The following SMYD3 variants were observed in gnomAD, a reference collection of about 807,000 sequenced individuals.
The protein encoded by SMYD3 is histone-lysine N-methyltransferase SMYD3.
In SMYD3, 36 loss-of-function variants were observed where a neutral mutation model predicts 57.7. The ratio of observed to expected loss-of-function variants is 0.62; its 90% CI spans 0.48 to 0.82. The LOEUF (loss-of-function observed/expected upper bound fraction) is 0.82, where lower values mean the gene tolerates loss of function less well. SMYD3 is among the 40% of genes least tolerant of loss of function. The pLI is 0.00. For missense variants in SMYD3, 515 were observed against 538.8 expected, an observed-to-expected ratio of 0.96 and a Z score of 0.44; for synonymous variants, 211 against 195.0, an observed-to-expected ratio of 1.08 and a Z score of -0.68.
intron 1 of SMYD3, among the ~76,000 whole-genome samples, chr1:246,367,941 T>C (rs1383870284): frequency 1.3e-5 from 2 of 152,192 alleles, no homozygotes; most frequent in Non-Finnish European, 2.9e-5. Flanking sequence ...CACTTGTTCA[T>C]ACAAACCTGA....
At chr1:246,275,721 A>G (rs1014397658) in intron 5 of SMYD3, among the ~76,000 whole-genome samples, 5 of 150,434 alleles carry the variant, frequency 3.3e-5, no homozygotes, top group East Asian at 2.0e-4. Context: ...AACACTGGCA[A>G]GTTATTTAAT....
intron 1 of SMYD3, among the ~76,000 whole-genome samples, chr1:246,361,719 C>G (rs1856692): frequency 0.25 from 38,065 of 152,008 alleles, 5,236 homozygotes; most frequent in East Asian, 0.5. Flanking sequence ...ATCGTATGTT[C>G]TCACTCATAT....
chr1:246,175,122 TGCGCCTGTGCCCTATGTAGAAAAC>T (rs1291422082), intron 5 of SMYD3, among the ~76,000 whole-genome samples: 1 of 152,206 alleles, frequency 6.6e-6, no homozygotes, highest in Non-Finnish European at 1.5e-5. Flanking sequence ...AAGGAGTAAC[TGCGCCTGTGCCCTATGTAGAAAAC>T]GCACTGGTGA....
intron 5 of SMYD3, among the ~76,000 whole-genome samples, chr1:245,996,496 T>C (rs1242101834): frequency 1.3e-5 from 2 of 152,140 alleles, no homozygotes; most frequent in Admixed American, 6.5e-5. Flanking sequence ...ACTGAACAAA[T>C]AGACACATAC....
chr1:246,002,518 CCA>C lies in SMYD3; in HGVS notation c.532-72583_532-72582del, dbSNP rs1281803233. Among the ~76,000 whole-genome samples the C allele has an allele frequency of 9.9e-4, 83 of 83,628 alleles. 18 individuals carry two copies. Among genetic ancestry groups the C allele is most frequent in the Non-Finnish European group, 1.5e-3 (60 of 40,082 alleles). The allele number at this position is 83,628 out of a possible 152,430, so 54.9% of individuals were successfully genotyped here. The stretch of plus-strand genomic sequence containing the variant: ...TATTTTTAGTAGAGACGGGGTTTCA[CCA>C]TGTTAGCCAGGATGGTCTCGATCTC... On this transcript the variant is annotated intron_variant, in intron 5 of 11. Coordinates refer to ENST00000490107, the MANE Select transcript of SMYD3 (RefSeq NM_001167740.2).
At chr1:246,274,073 A>T (rs770140637) in intron 5 of SMYD3, among the ~76,000 whole-genome samples, 4 of 152,254 alleles carry the variant, frequency 2.6e-5, no homozygotes, top group South Asian at 4.1e-4. Context: ...ATCATGTCAT[A>T]CTTTCCTCAG....
intron 10 of SMYD3, among the ~76,000 whole-genome samples, chr1:245,837,422 T>G (rs550423577): frequency 6.6e-6 from 1 of 151,722 alleles, no homozygotes; most frequent in East Asian, 1.9e-4. Flanking sequence ...GCTAGAGCAG[T>G]GGCTATTGAC....
chr1:246,373,311 G>A (rs965250150), intron 1 of SMYD3, among the ~76,000 whole-genome samples: 2 of 152,014 alleles, frequency 1.3e-5, no homozygotes, highest in Non-Finnish European at 2.9e-5. Flanking sequence ...CTAGTCTAAC[G>A]CAGGGCATAG....
At chr1:246,069,709 C>G (rs564716661) in intron 5 of SMYD3, among the ~76,000 whole-genome samples, 1 of 152,316 alleles carries the variant, frequency 6.6e-6, no homozygotes, top group East Asian at 1.9e-4. Flanking sequence ...CATCCAAACC[C>G]TTTGTGGCTT....
chr1:246,327,134 A>C, intron 5 of SMYD3, 67 bp downstream of exon 5: 1 of 1,596,870 alleles, frequency 6.3e-7, no homozygotes, highest in South Asian at 1.1e-5. Flanking sequence ...CATTTTTGTA[A>C]CTAACAACAA....
At chr1:246,454,968 C>T (rs2067680980) in intron 1 of SMYD3, among the ~76,000 whole-genome samples, 1 of 152,146 alleles carries the variant, frequency 6.6e-6, no homozygotes, top group Admixed American at 6.5e-5. Flanking sequence ...CCTTAGATAA[C>T]CCACTCTACA....
At chr1:245,857,897 C>G (rs1009574831) in intron 10 of SMYD3, among the ~76,000 whole-genome samples, 3 of 152,268 alleles carry the variant, frequency 2.0e-5, no homozygotes, top group Middle Eastern at 3.4e-3. Flanking sequence ...CTACTGGTCT[C>G]CAGGAGCTGA....
intron 1 of SMYD3, among the ~76,000 whole-genome samples, chr1:246,427,506 C>T (rs1490449880): frequency 3.8e-5 from 5 of 131,394 alleles, no homozygotes; most frequent in Admixed American, 8.3e-5. Context: ...GGCGACAGAG[C>T]GAGACTCCGT....
In SMYD3 at chr1:246,143,126, T is replaced by TACACACACAC. The variant is rs370332515; in HGVS notation, c.531+184065_531+184074dup. Among the ~76,000 whole-genome samples the TACACACACAC allele has an allele frequency of 3.4e-3, 499 of 146,108 alleles. 2 individuals carry two copies. Among genetic ancestry groups the TACACACACAC allele is most frequent in the Non-Finnish European group, 4.3e-3 (288 of 66,324 alleles). On this transcript the variant is annotated intron_variant, in intron 5 of 11. Coordinates refer to ENST00000490107, the MANE Select transcript of SMYD3 (RefSeq NM_001167740.2). ...AATGGAAATACAGTTGTATATTTAA[T>TACACACACAC]ACACACACACACACACACACACACA... is the stretch of plus-strand genomic sequence containing the variant.
At chr1:246,218,459 T>A (rs1019079339) in intron 5 of SMYD3, among the ~76,000 whole-genome samples, 1 of 152,020 alleles carries the variant, frequency 6.6e-6, no homozygotes, top group East Asian at 1.9e-4. Flanking sequence ...CCGTCTCTAC[T>A]AAAAATACAA....
At chr1:246,009,962 G>C (rs1326661545) in intron 5 of SMYD3, among the ~76,000 whole-genome samples, 1 of 148 alleles carries the variant, frequency 6.8e-3, no homozygotes. Context: ...TCACAGGTGA[G>C]TGCTACCATG....
chr1:245,948,299 C>T (rs980849017), intron 5 of SMYD3, among the ~76,000 whole-genome samples: 5 of 152,146 alleles, frequency 3.3e-5, no homozygotes, highest in Non-Finnish European at 7.3e-5. Context: ...TAACAGAGAA[C>T]AGTGGAATTC....
chr1:245,803,837 A>G (rs774726814), intron 10 of SMYD3, among the ~76,000 whole-genome samples: 6 of 151,978 alleles, frequency 3.9e-5, no homozygotes, highest in South Asian at 2.1e-4. Context: ...ACAATGTCCT[A>G]TTGGATCCTT....
In SMYD3 at chr1:246,281,287, G is replaced by A. The variant is rs532589845; in HGVS notation, c.531+45914C>T. On this transcript the variant is annotated intron_variant, in intron 5 of 11. Coordinates refer to ENST00000490107, the MANE Select transcript of SMYD3 (RefSeq NM_001167740.2). ...TTACTGAAATGGCCCAGGACAATGT[G>A]TTCTCTTCCTTCTTTGTGAACTCAC... is the stretch of plus-strand genomic sequence containing the variant. Among the ~76,000 whole-genome samples, 410 of 152,314 alleles carry A rather than the reference G, an allele frequency of 2.7e-3. 1 individual carries two copies. Among genetic ancestry groups the A allele is most frequent in the African/African-American group, 8.5e-3 (355 of 41,568 alleles).
Sources: gnomAD v4.1 joint callset for allele counts (sites outside exome capture counted in the v4.1 genomes callset) on GRCh38, gnomAD v4.1.1 for gene constraint, MANE v1.5 for transcripts, NCBI Gene and HGNC (gene_info 2026-07-23, HGNC 2026-07-21) for gene names.